Variants in TCF4 observed in about 807,000 individuals in gnomAD.
TCF4 encodes transcription factor 4.
Under a neutral mutation model 82.1 loss-of-function variants are expected in TCF4, and 3 were observed. That is an observed-to-expected ratio of 0.04 (90% confidence interval 0.02 to 0.09). The LOEUF (loss-of-function observed/expected upper bound fraction) is 0.09, where lower values mean the gene tolerates loss of function less well. TCF4 is among the 10% of genes least tolerant of loss of function. TCF4 has a pLI of 1.00. For synonymous variants in TCF4, 276 were observed against 309.6 expected (o/e 0.89, Z 1.14); for missense variants, 518 against 852.7 (o/e 0.61, Z 4.89).
At position 55,633,268 on chromosome 18, in the gene TCF4, G is replaced by A. The variant is rs1313436530; in HGVS notation, c.196-1880C>T. Among the ~76,000 whole-genome samples, 2 of 152,152 alleles carry A rather than the reference G, an allele frequency of 1.3e-5. No homozygotes were observed. The highest frequency in any genetic ancestry group is 4.8e-5 in the African/African-American group (2 of 41,434). ...CAAGCCTGCAGTATCAGCTTCTAAG[G>A]TGGCTCCCACATGCCTGGCAAGTTG... On this transcript the variant is annotated intron_variant, in intron 1 of 20. Coordinates refer to the TCF4 transcript ENST00000398339. The surrounding 1 kb of genome is among the most constrained non-coding windows in gnomAD (Gnocchi z 4.0).
At chr18:55,417,179 C>T (rs1460764871) in intron 5 of TCF4, among the ~76,000 whole-genome samples, 2 of 152,124 alleles carry the variant, frequency 1.3e-5, no homozygotes, top group Admixed American at 6.5e-5. Context: ...CTCACATTTT[C>T]AACTGAATCC....
At chr18:55,613,709 G>A (rs1452372137) in intron 2 of TCF4, among the ~76,000 whole-genome samples, 1 of 152,176 alleles carries the variant, frequency 6.6e-6, no homozygotes, top group African/African-American at 2.4e-5. Flanking sequence ...TGAACAGCTA[G>A]ATCTCACAAG....
chr18:55,360,933 G>A (rs1015236886), intron 6 of TCF4, among the ~76,000 whole-genome samples: 1 of 151,858 alleles, frequency 6.6e-6, no homozygotes, highest in African/African-American at 2.4e-5. Context: ...CACCATGTTG[G>A]CCATGATGAT....
chr18:55,235,662 T>G (rs976276593), intron 15 of TCF4, among the ~76,000 whole-genome samples: 1 of 152,244 alleles, frequency 6.6e-6, no homozygotes, highest in African/African-American at 2.4e-5. Context: ...ATGAAGCATT[T>G]GTCAACTAAG....
intron 11 of TCF4, chr18:55,265,598 T>A (rs2058979844): frequency 6.6e-6 from 1 of 152,216 alleles, no homozygotes. Flanking sequence ...ACAATTCTTA[T>A]TACTCTTATG....
intron 3 of TCF4, among the ~76,000 whole-genome samples, chr18:55,494,991 CAAAG>C (rs2096618523): frequency 1.4e-5 from 2 of 147,586 alleles, no homozygotes; most frequent in Non-Finnish European, 3.0e-5. Context: ...GAAATCTACA[CAAAG>C]AAACACAGCT....
chr18:55,257,446 G>A, intron 13 of TCF4, 55 bp from the exon 14 acceptor site: 1 of 1,561,984 alleles, frequency 6.4e-7, no homozygotes, highest in Non-Finnish European at 8.8e-7. Flanking sequence ...AAAGACGCTT[G>A]CCAATATTTT....
In TCF4 at chr18:55,455,620, C is replaced by T. The variant is rs898124512; in HGVS notation, c.304+5399G>A. 7.0e-4 allele frequency among the ~76,000 whole-genome samples: 106 copies of T among 151,896 alleles called. 1 individual carries two copies. Among genetic ancestry groups the T allele is most frequent in the African/African-American group, 2.5e-3 (105 of 41,434 alleles). ...CTTGTATCACTACCTAATTTCGCTGCATTTAAAAAGTGAACTAAAATTTCT... is the reference window on the plus strand; with the variant it reads ...CTTGTATCACTACCTAATTTCGCTGTATTTAAAAAGTGAACTAAAATTTCT... On this transcript the variant is annotated intron_variant, in intron 5 of 19. Coordinates refer to ENST00000354452, the MANE Select transcript of TCF4 (RefSeq NM_001083962.2).
At chr18:55,330,053 A>G (rs1257183159) in intron 8 of TCF4, among the ~76,000 whole-genome samples, 2 of 152,180 alleles carry the variant, frequency 1.3e-5, no homozygotes, top group African/African-American at 4.8e-5. Flanking sequence ...ACTTAGTACC[A>G]TCATATAGTA....
At chr18:55,572,556 T>G (rs1211757097) in intron 3 of TCF4, among the ~76,000 whole-genome samples, 2 of 152,164 alleles carry the variant, frequency 1.3e-5, no homozygotes, top group Non-Finnish European at 2.9e-5. Flanking sequence ...TGTGACAAAA[T>G]GCAATCTAAC....
chr18:55,543,626 A>T (rs2097182218), intron 3 of TCF4, among the ~76,000 whole-genome samples: 1 of 152,100 alleles, frequency 6.6e-6, no homozygotes, highest in South Asian at 2.1e-4. Flanking sequence ...ATCTTTTATG[A>T]TACAGCAGAG....
upstream of TCF4, among the ~76,000 whole-genome samples, chr18:55,592,263 T>C (rs2097686339): frequency 2.0e-5 from 3 of 152,154 alleles, no homozygotes; most frequent in Admixed American, 2.0e-4. Flanking sequence ...CTGGCCAAAA[T>C]ACCACAGACT....
intron 3 of TCF4, among the ~76,000 whole-genome samples, chr18:55,497,525 C>T (rs928918989): frequency 1.3e-5 from 2 of 152,072 alleles, no homozygotes; most frequent in African/African-American, 4.8e-5. Context: ...TTCAATAAGG[C>T]TACAAATTAC....
chr18:55,631,344 C>A, exon 2 of TCF4: 1 of 1,548,018 alleles, frequency 6.5e-7, no homozygotes, highest in South Asian at 1.2e-5. Flanking sequence ...CCACCATGCC[C>A]GTCCAAGAGA....
intron 1 of TCF4, among the ~76,000 whole-genome samples, chr18:55,631,825 G>C (rs970141894): frequency 6.6e-6 from 1 of 152,166 alleles, no homozygotes; most frequent in African/African-American, 2.4e-5. Flanking sequence ...GCATCCCTCA[G>C]AAACGCTAGT....
chr18:55,417,854 A>C (rs929267100), intron 5 of TCF4, among the ~76,000 whole-genome samples: 8 of 152,176 alleles, frequency 5.3e-5, no homozygotes, highest in African/African-American at 1.9e-4. Flanking sequence ...TTAAAAACAA[A>C]TGTTTTTATT....
rs767411841 is a variant in TCF4, at chr18:55,254,521, A to T, written c.1326T>A (p.Leu442=). The change falls in exon 15 of 20, where the codon CTT becomes CTA. Residue 442 remains leucine, a synonymous_variant. Coordinates refer to ENST00000354452, the MANE Select transcript of TCF4 (RefSeq NM_001083962.2). ...CCATGAGTGAATGTCTGTTGGCTGA[A>T]AGAAGGCCGGTTCCATACCCTGAGC... ...GLGSGYGTGL[L]SANRHSLMVG... 3 of 1,613,690 alleles carry T rather than the reference A, an allele frequency of 1.9e-6. No individual in the cohort carries two copies. The highest frequency in any genetic ancestry group is 2.5e-6 in the Non-Finnish European group (3 of 1,179,798).
At chr18:55,270,245 A>G (rs907428727) in intron 10 of TCF4, among the ~76,000 whole-genome samples, 2 of 152,152 alleles carry the variant, frequency 1.3e-5, no homozygotes, top group African/African-American at 4.8e-5. Flanking sequence ...ATTACTGCTT[A>G]AAATCATCTC....
At chr18:55,260,610 G>T (rs2057841836) in intron 12 of TCF4, among the ~76,000 whole-genome samples, 1 of 152,144 alleles carries the variant, frequency 6.6e-6, no homozygotes, top group Non-Finnish European at 1.5e-5. Context: ...CCAAGTTGGA[G>T]TGCAGTGGCA....
Sources: gnomAD v4.1 joint callset for allele counts (sites outside exome capture counted in the v4.1 genomes callset) on GRCh38, gnomAD v4.1.1 for gene constraint, Gnocchi (gnomAD v3.1) non-coding constraint, MANE v1.5 for transcripts, NCBI Gene and HGNC (gene_info 2026-07-23, HGNC 2026-07-21) for gene names.